Variants in SSBP2 observed in about 807,000 individuals in gnomAD.
SSBP2 encodes the protein single stranded DNA binding protein 2.
SSBP2 carries 17 observed loss-of-function variants against 61.8 expected under a neutral mutation model. The observed-to-expected ratio is 0.28, with a 90% CI of 0.19 to 0.41. SSBP2 has a LOEUF of 0.41. Ranked by LOEUF, SSBP2 falls within the 10% of genes least tolerant of loss-of-function variation. The pLI is 1.00. For missense variants in SSBP2, 310 were observed against 458.7 expected (o/e 0.68, Z 2.96); for synonymous variants, 139 against 141.3 (o/e 0.98, Z 0.12).
At chr5:81,611,068 T>C (rs1041106871) in intron 4 of SSBP2, among the ~76,000 whole-genome samples, 8 of 152,222 alleles carry the variant, frequency 5.3e-5, no homozygotes, top group Admixed American at 4.6e-4. Flanking sequence ...CACATCATTA[T>C]AGCTCTATCC....
At chr5:81,558,515 GAATAAATATGAACA>G (rs1772781204) in intron 4 of SSBP2, among the ~76,000 whole-genome samples, 1 of 94,222 alleles carries the variant, frequency 1.1e-5, no homozygotes, top group African/African-American at 8.3e-5. Flanking sequence ...ATATGAACAT[GAATAAATATGAACA>G]TTAATAGATG....
chr5:81,634,214 G>A (rs977523199), intron 3 of SSBP2, among the ~76,000 whole-genome samples: 8 of 152,162 alleles, frequency 5.3e-5, no homozygotes, highest in African/African-American at 1.2e-4. Flanking sequence ...CTTCATCTGC[G>A]TAATAAGAAA....
chr5:81,440,019 G>A (rs539951844), intron 14 of SSBP2, among the ~76,000 whole-genome samples: 2 of 152,046 alleles, frequency 1.3e-5, no homozygotes, highest in Non-Finnish European at 2.9e-5. Flanking sequence ...TCTTTATCAC[G>A]AAGACAATGT....
intron 4 of SSBP2, among the ~76,000 whole-genome samples, chr5:81,583,386 T>C (rs1774812119): frequency 6.6e-6 from 1 of 151,984 alleles, no homozygotes; most frequent in South Asian, 2.1e-4. Context: ...TCCCAGCACT[T>C]TGGGAGGCCA....
Position 81,520,541 on chromosome 5 carries a change from G to T in SSBP2, c.283-6824C>A, listed in dbSNP as rs568878118. Among the ~76,000 whole-genome samples, 3 of 152,228 alleles carry T rather than the reference G, an allele frequency of 2.0e-5. No individual in the cohort carries two copies. In the South Asian group the frequency reaches 6.2e-4, roughly 32 times the overall value. On this transcript the variant is annotated intron_variant, in intron 4 of 16. Coordinates refer to ENST00000320672, the MANE Select transcript of SSBP2 (RefSeq NM_012446.5). ...AAAGATATGCTTTAATTCACAAATA[G>T]TTGGAGGTTTTATTTTTTAATTTGT...
At chr5:81,642,510 T>C (rs1401832537) in intron 2 of SSBP2, among the ~76,000 whole-genome samples, 2 of 152,214 alleles carry the variant, frequency 1.3e-5, no homozygotes, top group African/African-American at 4.8e-5. Flanking sequence ...TCTTCATAAA[T>C]GTAAAACCAA....
chr5:81,678,135 T>TA (rs1299426807), intron 1 of SSBP2, among the ~76,000 whole-genome samples: 1 of 152,174 alleles, frequency 6.6e-6, no homozygotes, highest in Non-Finnish European at 1.5e-5. Flanking sequence ...AAACTATGAC[T>TA]AATATGCTAA....
At chr5:81,593,331 T>C (rs1313395579) in intron 4 of SSBP2, among the ~76,000 whole-genome samples, 3 of 152,104 alleles carry the variant, frequency 2.0e-5, no homozygotes, top group Non-Finnish European at 4.4e-5. Context: ...CCAAGAAATA[T>C]GGGACTATGT....
chr5:81,463,758 C>CTTTTTTTTT (rs938398439), intron 9 of SSBP2, among the ~76,000 whole-genome samples: 1 of 96,298 alleles, frequency 1.0e-5, no homozygotes, highest in African/African-American at 4.2e-5. Context: ...GAAAAATCCT[C>CTTTTTTTTT]TTTTTTTTTT....
chr5:81,485,336 TA>T (rs1766302185), intron 6 of SSBP2, among the ~76,000 whole-genome samples: 1 of 152,204 alleles, frequency 6.6e-6, no homozygotes, highest in African/African-American at 2.4e-5. Context: ...CCTATATTTT[TA>T]CAACATAGTG....
At chr5:81,635,082 G>C (rs1052330958) in intron 3 of SSBP2, among the ~76,000 whole-genome samples, 4 of 152,202 alleles carry the variant, frequency 2.6e-5, no homozygotes, top group African/African-American at 9.6e-5. Context: ...TATTTGTTGA[G>C]AGAATGCAAT....
At chr5:81,588,128 G>C (rs751907330) in intron 4 of SSBP2, among the ~76,000 whole-genome samples, 4 of 151,958 alleles carry the variant, frequency 2.6e-5, no homozygotes, top group Non-Finnish European at 5.9e-5. Flanking sequence ...ACCATGCCTA[G>C]CTAATTTTAA....
chr5:81,423,516 G>A (rs1268022788), intron 16 of SSBP2, among the ~76,000 whole-genome samples: 7 of 152,096 alleles, frequency 4.6e-5, no homozygotes, highest in Admixed American at 3.9e-4. Context: ...AGGCTGAGGC[G>A]GGTGGATCAC....
intron 1 of SSBP2, among the ~76,000 whole-genome samples, chr5:81,688,328 G>A (rs550971892): frequency 6.6e-5 from 10 of 152,306 alleles, no homozygotes; most frequent in East Asian, 1.9e-4. Context: ...CACTGGATCC[G>A]CCCAGGACCA....
At chr5:81,737,849 T>A (rs935400505) in intron 1 of SSBP2, among the ~76,000 whole-genome samples, 1 of 151,984 alleles carries the variant, frequency 6.6e-6, no homozygotes, top group Non-Finnish European at 1.5e-5. Flanking sequence ...TCTACAAATC[T>A]GGCATGGTAA....
At chr5:81,565,870 C>G (rs1348860846) in intron 4 of SSBP2, among the ~76,000 whole-genome samples, 1 of 152,152 alleles carries the variant, frequency 6.6e-6, no homozygotes, top group East Asian at 1.9e-4. Context: ...GGAAATGTTT[C>G]TAGTCACCAT....
chr5:81,611,562 G>C (rs1745442832), intron 4 of SSBP2, among the ~76,000 whole-genome samples: 1 of 152,054 alleles, frequency 6.6e-6, no homozygotes, highest in Admixed American at 6.5e-5. Flanking sequence ...ATTTTTGAAA[G>C]AATATCATGT....
At chr5:81,551,020 C>T (rs776664507) in intron 4 of SSBP2, among the ~76,000 whole-genome samples, 15 of 142,582 alleles carry the variant, frequency 1.1e-4, no homozygotes, top group Admixed American at 1.5e-4. Flanking sequence ...GGCATGAACC[C>T]GGGAGGTAGA....
intron 1 of SSBP2, among the ~76,000 whole-genome samples, chr5:81,678,749 C>T (rs535391048): frequency 3.8e-4 from 57 of 151,800 alleles, no homozygotes; most frequent in Non-Finnish European, 6.3e-4. Context: ...AAACTATGTA[C>T]GCAGGAATAA....
Sources: allele counts gnomAD v4.1 joint callset (sites outside exome capture counted in the v4.1 genomes callset), GRCh38; gene constraint gnomAD v4.1.1; transcripts MANE v1.5; gene names NCBI Gene and HGNC (gene_info 2026-07-23, HGNC 2026-07-21).